Variants in QSOX2 observed in about 807,000 individuals in gnomAD.
QSOX2 encodes the protein quiescin sulfhydryl oxidase 2.
A neutral mutation model predicts 61.7 loss-of-function variants in QSOX2; 46 were observed. The observed-to-expected ratio is 0.75, with a 90% confidence interval of 0.59 to 0.95. The LOEUF (loss-of-function observed/expected upper bound fraction) is 0.95. Among genes scored for constraint, QSOX2 ranks in the 40% least tolerant of loss-of-function variants. The probability of loss-of-function intolerance (pLI) is 0.00; values close to 1 mark genes in which losing one functional copy is unlikely to be tolerated. For synonymous variants in QSOX2, 383 were observed against 388.4 expected (o/e 0.99, Z 0.16); for missense variants, 879 against 918.9 (o/e 0.96, Z 0.56).
At chr9:136,218,384 C>T (rs1270882008) in intron 8 of QSOX2, among the ~76,000 whole-genome samples, 1 of 152,240 alleles carries the variant, frequency 6.6e-6, no homozygotes, top group Admixed American at 6.5e-5. Flanking sequence ...CCTCCGCTCC[C>T]TCCTCCATCT....
chr9:136,215,436 G>C, intron 9 of QSOX2, 132 bp from the exon 10 acceptor site: 1 of 844,116 alleles, frequency 1.2e-6, no homozygotes, highest in East Asian at 2.6e-5. Context: ...TGTATCAACT[G>C]TACACATAAG....
chr9:136,215,351 G>T (rs771605220), intron 9 of QSOX2, 47 bp from the exon 10 acceptor site: 12 of 1,436,852 alleles, frequency 8.4e-6, no homozygotes, highest in Non-Finnish European at 1.0e-5. Flanking sequence ...AAAGATAATT[G>T]TTGAAATTAA....
At chr9:136,214,445 T>C (rs1564289994) in intron 10 of QSOX2, among the ~76,000 whole-genome samples, 1 of 152,208 alleles carries the variant, frequency 6.6e-6, no homozygotes, top group Non-Finnish European at 1.5e-5. Context: ...ATAGGCACCC[T>C]CTCACTGGCT....
chr9:136,232,636 T>A (rs915017133), intron 1 of QSOX2, among the ~76,000 whole-genome samples: 36 of 152,176 alleles, frequency 2.4e-4, no homozygotes, highest in African/African-American at 8.7e-4. Flanking sequence ...TAAACCACTG[T>A]CAGGATACAG....
intron 11 of QSOX2, chr9:136,210,804 CTG>C (rs1356259149): frequency 6.1e-6 from 6 of 985,022 alleles, no homozygotes; most frequent in Non-Finnish European, 7.2e-6. Flanking sequence ...GTACTTAACT[CTG>C]AGAAAATACA....
At chr9:136,215,389 G>A in intron 9 of QSOX2, 85 bp from the exon 10 acceptor site, 1 of 999,496 alleles carries the variant, frequency 1.0e-6, no homozygotes, top group South Asian at 1.9e-5. Flanking sequence ...CTTCTTGACT[G>A]GGGGGGGTGG....
intron 6 of QSOX2, among the ~76,000 whole-genome samples, chr9:136,220,292 G>C (rs529673520): frequency 6.6e-6 from 1 of 152,360 alleles, no homozygotes; most frequent in South Asian, 2.1e-4. Context: ...GCCTCTGAAA[G>C]TGCTGGGATT....
Position 136,215,186 on chromosome 9 carries a change from G to C in QSOX2, c.1328C>G (p.Ala443Gly). The change falls in exon 10 of 12, where the codon GCC becomes GGC. Residue 443 changes from alanine (A) to glycine (G), a missense_variant. By Grantham distance (60) the Ala-to-Gly change is moderately conservative (BLOSUM62 0). Coordinates refer to ENST00000358701, the MANE Select transcript of QSOX2 (RefSeq NM_181701.4). ...AACCAGTGCATCTGGGTGGGTCGAG[G>C]CTTCAACAGTCAAAGTGTGGAACAG... Reference protein sequence around the residue: ...WKLFHTLTVEASTHPDALVGT... With the variant: ...WKLFHTLTVEGSTHPDALVGT... 6.2e-7 allele frequency: 1 copy of C among 1,614,080 alleles called. No individual in the cohort carries two copies. Among genetic ancestry groups the C allele is most frequent in the Non-Finnish European group, 8.5e-7 (1 of 1,180,032 alleles).
In QSOX2 at chr9:136,208,112, G is replaced by A. The variant is rs937295271; in HGVS notation, c.*616C>T. On this transcript the variant is annotated 3_prime_UTR_variant, in exon 12 of 12. Transcript: ENST00000358701. ...CCCGGAGGAACAAGGAGAGCCCTCA[G>A]GAACCTGCCCTAGGGAAGCAGCTAC... 1 of 151,878 alleles carries A rather than the reference G, an allele frequency of 6.6e-6. No individual in the cohort carries two copies. Among genetic ancestry groups the A allele is most frequent in the African/African-American group, 2.4e-5 (1 of 41,188 alleles). The allele number at this position is 151,878 out of a possible 1,614,324, so 9.4% of individuals were successfully genotyped here. A position where few individuals can be genotyped will look rare whatever the true frequency, so the allele number is the denominator to read the frequency against.
At chr9:136,237,969 T>A (rs1830403965) in intron 1 of QSOX2, among the ~76,000 whole-genome samples, 1 of 152,186 alleles carries the variant, frequency 6.6e-6, no homozygotes, top group East Asian at 1.9e-4. Context: ...AAAGAAACTG[T>A]CCTATGGGGC....
At chr9:136,216,279 C>T (rs1285131838) in intron 9 of QSOX2, among the ~76,000 whole-genome samples, 3 of 152,250 alleles carry the variant, frequency 2.0e-5, no homozygotes, top group African/African-American at 4.8e-5. Context: ...TTACTGAATA[C>T]ATCAGTTTTC....
At position 136,245,544 on chromosome 9, in the gene QSOX2, T is replaced by G; in HGVS notation, c.260A>C (p.Tyr87Ser). 8 of 1,591,158 alleles carry G rather than the reference T, an allele frequency of 5.0e-6. No individual in the cohort carries two copies. The highest frequency in any genetic ancestry group is 6.8e-6 in the Non-Finnish European group (8 of 1,176,510). Residue 87 changes from tyrosine (Y) to serine (S), a missense_variant, in exon 1 of 12, where the codon TAC (tyrosine) becomes TCC (serine). Transcript: ENST00000358701. ...NSSAAWLVQFYSSWCGHCIGY... is the reference protein window; with the variant it reads ...NSSAAWLVQFSSSWCGHCIGY... Reference sequence around the variant, plus strand: ...GATGCAGTGGCCACACCACGACGAGTAGAACTGCACGAGCCACGCGGCCGA... The same window carrying G: ...GATGCAGTGGCCACACCACGACGAGGAGAACTGCACGAGCCACGCGGCCGA...
intron 1 of QSOX2, among the ~76,000 whole-genome samples, chr9:136,237,863 G>A (rs1271922540): frequency 1.3e-5 from 2 of 152,244 alleles, no homozygotes; most frequent in African/African-American, 4.8e-5. Context: ...GTGAACATGC[G>A]TCAACAACAT....
intron 3 of QSOX2, among the ~76,000 whole-genome samples, 155 bp from the exon 4 acceptor site, chr9:136,224,267 G>A (rs1199685627): frequency 6.6e-6 from 1 of 152,232 alleles, no homozygotes; most frequent in African/African-American, 2.4e-5. Flanking sequence ...TGTGCCCAAT[G>A]CCACCCACAG....
intron 2 of QSOX2, among the ~76,000 whole-genome samples, chr9:136,225,873 A>C (rs62579018): frequency 0.051 from 7,827 of 152,340 alleles, 262 homozygotes; most frequent in African/African-American, 0.083. Context: ...CACAGTGTGA[A>C]CTGTGTCTGA....
chr9:136,215,965 G>A (rs183464227), intron 9 of QSOX2, among the ~76,000 whole-genome samples: 9 of 152,368 alleles, frequency 5.9e-5, no homozygotes, highest in East Asian at 5.8e-4. Context: ...GCCCGGCACC[G>A]TCTGCTTCTC....
chr9:136,219,019 G>A lies in QSOX2; in HGVS notation c.956+11C>T, dbSNP rs753201873. On this transcript the variant is annotated intron_variant, in intron 7 of 11. Coordinates refer to ENST00000358701, the MANE Select transcript of QSOX2 (RefSeq NM_181701.4). ...TGTCTCCGGGGGCTTCAGTTCAAGAGGAACACTTGCTTGTCAAATTCTCTC... is the reference window on the plus strand; with the variant it reads ...TGTCTCCGGGGGCTTCAGTTCAAGAAGAACACTTGCTTGTCAAATTCTCTC... 3.1e-6 allele frequency: 5 copies of A among 1,613,862 alleles called. No homozygotes were observed. Among genetic ancestry groups the A allele is most frequent in the Non-Finnish European group, 4.2e-6 (5 of 1,179,874 alleles).
rs946980454 is a variant in QSOX2, at chr9:136,222,523, A to G, written c.676-582T>C. Reference sequence around the variant, plus strand: ...CTTCTCTTAACAGAGGAACAAAACCAGCTGCTCCTCAAACCAAGGGCCCTG... The same window carrying G: ...CTTCTCTTAACAGAGGAACAAAACCGGCTGCTCCTCAAACCAAGGGCCCTG... On this transcript the variant is annotated intron_variant, in intron 5 of 11. Coordinates refer to ENST00000358701, the MANE Select transcript of QSOX2 (RefSeq NM_181701.4). This position sits in a 1 kb window ranked among gnomAD's most constrained non-coding sequence, Gnocchi z 6.9. Among the ~76,000 whole-genome samples, 1 of 152,184 alleles carries G rather than the reference A, an allele frequency of 6.6e-6. No individual in the cohort carries two copies. Among genetic ancestry groups the G allele is most frequent in the Non-Finnish European group, 1.5e-5 (1 of 68,032 alleles).
At chr9:136,213,532 T>G (rs1256474244) in intron 10 of QSOX2, among the ~76,000 whole-genome samples, 1 of 151,774 alleles carries the variant, frequency 6.6e-6, no homozygotes, top group Non-Finnish European at 1.5e-5. Flanking sequence ...TCTGTATGAT[T>G]ATGAAAAGGA....
Sources: gnomAD v4.1 joint callset for allele counts (sites outside exome capture counted in the v4.1 genomes callset) on GRCh38, gnomAD v4.1.1 for gene constraint, Gnocchi (gnomAD v3.1) non-coding constraint, MANE v1.5 for transcripts, NCBI Gene and HGNC (gene_info 2026-07-23, HGNC 2026-07-21) for gene names.